TNIK: variants seen among roughly 807,000 people sequenced by gnomAD.
The protein encoded by TNIK is TRAF2 and NCK interacting kinase.
A neutral mutation model predicts 191.3 loss-of-function variants in TNIK; 49 were observed. The ratio of observed to expected loss-of-function variants is 0.26; its 90% CI spans 0.20 to 0.32. The LOEUF (loss-of-function observed/expected upper bound fraction) is 0.32, where lower values mean the gene tolerates loss of function less well. TNIK is among the 10% of genes least tolerant of loss of function. The probability of loss-of-function intolerance (pLI) is 1.00; values close to 1 mark genes in which losing one functional copy is unlikely to be tolerated. For missense variants in TNIK, 1,155 were observed against 1,702.3 expected, an observed-to-expected ratio of 0.68 and a Z score of 5.66; for synonymous variants, 594 against 600.9, an observed-to-expected ratio of 0.99 and a Z score of 0.17.
At chr3:171,429,098 G>A (rs1456105549) in intron 1 of TNIK, among the ~76,000 whole-genome samples, 1 of 152,038 alleles carries the variant, frequency 6.6e-6, no homozygotes, top group East Asian at 1.9e-4. Flanking sequence ...CCACAACCAC[G>A]AGCTACACAT....
intron 2 of TNIK, among the ~76,000 whole-genome samples, chr3:171,323,659 G>A (rs1476248925): frequency 6.6e-6 from 1 of 152,174 alleles, no homozygotes; most frequent in Non-Finnish European, 1.5e-5. Context: ...AAGGGTGGAT[G>A]AGATTAGAGA....
intron 29 of TNIK, 25 bp from the exon 30 acceptor site, chr3:171,069,022 C>A: frequency 6.3e-7 from 1 of 1,593,792 alleles, no homozygotes; most frequent in Admixed American, 1.8e-5. Context: ...CCATTAGTAT[C>A]CGCATCACTC....
At chr3:171,191,643 T>G (rs945360116) in intron 5 of TNIK, among the ~76,000 whole-genome samples, 1 of 152,262 alleles carries the variant, frequency 6.6e-6, no homozygotes, top group African/African-American at 2.4e-5. Flanking sequence ...GGAATACAGT[T>G]TCTATTTCTT....
intron 1 of TNIK, among the ~76,000 whole-genome samples, chr3:171,381,099 G>A (rs2901705): frequency 0.39 from 58,419 of 151,694 alleles, 12,932 homozygotes; most frequent in East Asian, 0.85. Flanking sequence ...CTAGGCCACC[G>A]TGAAGGACAT....
intron 30 of TNIK, 59 bp downstream of exon 30, chr3:171,068,789 C>T: frequency 6.6e-7 from 1 of 1,505,460 alleles, no homozygotes; most frequent in East Asian, 2.4e-5. Flanking sequence ...AAACAAATCT[C>T]TTTCTACATG....
At chr3:171,302,112 G>A (rs34308968) in intron 2 of TNIK, among the ~76,000 whole-genome samples, 1 of 152,148 alleles carries the variant, frequency 6.6e-6, no homozygotes, top group Non-Finnish European at 1.5e-5. Flanking sequence ...AAGGGGTGGA[G>A]GGGAGTGGGG....
chr3:171,194,491 T>C (rs1167860443), intron 5 of TNIK, 34 bp downstream of exon 5: 13 of 1,581,924 alleles, frequency 8.2e-6, no homozygotes, highest in South Asian at 1.1e-5. Context: ...CTTGAAGACT[T>C]TGGGAGGTGG....
intron 1 of TNIK, among the ~76,000 whole-genome samples, chr3:171,434,988 T>C (rs1240818705): frequency 6.6e-6 from 1 of 152,164 alleles, no homozygotes; most frequent in African/African-American, 2.4e-5. Context: ...ATCTATATAA[T>C]ATGAAGACTG....
Position 171,355,947 on chromosome 3 carries a change from G to A in TNIK, c.123+13673C>T, listed in dbSNP as rs114800963. 2.7e-3 allele frequency among the ~76,000 whole-genome samples: 411 copies of A among 152,126 alleles called. 1 individual carries two copies. The highest frequency in any genetic ancestry group is 9.7e-3 in the African/African-American group (401 of 41,488). On this transcript the variant is annotated intron_variant, in intron 2 of 32. Transcript: ENST00000436636. ...GTAAAGGAGGAAATATAAAAGCAAA[G>A]AGTAAGCAACTTGCTACAATGCCAC...
chr3:171,298,103 A>G (rs1475965247), intron 2 of TNIK, among the ~76,000 whole-genome samples: 4 of 152,214 alleles, frequency 2.6e-5, no homozygotes, highest in Non-Finnish European at 4.4e-5. Context: ...TTTCCATTCA[A>G]TATGAACAAG....
chr3:171,358,334 G>C (rs1458019929), intron 2 of TNIK, among the ~76,000 whole-genome samples: 1 of 152,188 alleles, frequency 6.6e-6, no homozygotes, highest in Non-Finnish European at 1.5e-5. Context: ...AAGCCTCACA[G>C]TCATGGCCGG....
At chr3:171,390,475 T>C (rs922906678) in intron 1 of TNIK, among the ~76,000 whole-genome samples, 2 of 152,216 alleles carry the variant, frequency 1.3e-5, no homozygotes, top group Non-Finnish European at 2.9e-5. Context: ...CATTCCCTCA[T>C]GGACTGAGCA....
intron 2 of TNIK, among the ~76,000 whole-genome samples, chr3:171,247,745 A>G (rs575383571): frequency 1.3e-5 from 2 of 152,348 alleles, no homozygotes; most frequent in East Asian, 1.9e-4. Flanking sequence ...AGTTTCAAAA[A>G]GGAGGGTATG....
chr3:171,264,521 A>G (rs1229473828), intron 2 of TNIK, among the ~76,000 whole-genome samples: 1 of 151,790 alleles, frequency 6.6e-6, no homozygotes, highest in East Asian at 1.9e-4. Flanking sequence ...ACACCCGACT[A>G]ATTTTGTATT....
In TNIK at chr3:171,066,705, C is replaced by T. The variant is rs777418785; in HGVS notation, c.3730G>A (p.Val1244Ile). 1.9e-6 allele frequency: 3 copies of T among 1,613,702 alleles called. No homozygotes were observed. In the South Asian group the frequency reaches 3.3e-5, roughly 18 times the overall value. ...IQGNITPHAI[V>I]ILPKTDGMEM... The stretch of plus-strand genomic sequence containing the variant: ...ATTCCATCTGTTTTAGGCAAGATGA[C>T]AATAGCATGAGGAGTGATATTGCCC... Residue 1244 changes from valine (V) to isoleucine (I), a missense_variant, in exon 31 of 33, where the codon GTC becomes ATC. By Grantham distance (29) the Val-to-Ile change is conservative. Coordinates refer to ENST00000436636, the MANE Select transcript of TNIK (RefSeq NM_015028.4).
At chr3:171,172,140 A>G (rs1233394400) in intron 9 of TNIK, among the ~76,000 whole-genome samples, 2 of 151,930 alleles carry the variant, frequency 1.3e-5, no homozygotes, top group Non-Finnish European at 2.9e-5. Flanking sequence ...AAGTTAAAAA[A>G]CAAAAAAAAA....
intron 8 of TNIK, 53 bp from the exon 9 acceptor site, chr3:171,175,383 C>T: frequency 6.6e-7 from 1 of 1,513,098 alleles, no homozygotes; most frequent in Non-Finnish European, 8.9e-7. Context: ...AAACCCAGGC[C>T]AAGCCCGTCT....
At chr3:171,141,724 C>T (rs1429349867) in intron 12 of TNIK, among the ~76,000 whole-genome samples, 1 of 152,230 alleles carries the variant, frequency 6.6e-6, no homozygotes, top group African/African-American at 2.4e-5. Flanking sequence ...GGCATTAGTG[C>T]ACCTTTTGAG....
intron 2 of TNIK, chr3:171,347,264 C>T: frequency 2.0e-6 from 3 of 1,518,742 alleles, no homozygotes; most frequent in Non-Finnish European, 2.6e-6. Flanking sequence ...AACCCTAGCT[C>T]AGGCACCAAA....
Sources: allele counts gnomAD v4.1 joint callset (sites outside exome capture counted in the v4.1 genomes callset), GRCh38; gene constraint gnomAD v4.1.1; transcripts MANE v1.5; gene names NCBI Gene and HGNC (gene_info 2026-07-23, HGNC 2026-07-21).